The following CCPG1 variants were observed in gnomAD, a reference collection of about 807,000 sequenced individuals.
CCPG1 encodes cell cycle progression protein 1.
CCPG1 carries 46 observed loss-of-function variants against 81.3 expected under a neutral mutation model. That is an observed-to-expected ratio of 0.57 (90% confidence interval 0.45 to 0.72). The LOEUF (loss-of-function observed/expected upper bound fraction) is 0.72, where lower values mean the gene tolerates loss of function less well. Among genes scored for constraint, CCPG1 ranks in the 30% least tolerant of loss-of-function variants. CCPG1 has a pLI of 0.00. For missense variants in CCPG1, 902 were observed against 937.6 expected (o/e 0.96, Z 0.50); for synonymous variants, 330 against 305.2 (o/e 1.08, Z -0.85).
At chr15:55,398,693 T>A (rs571567030) in intron 1 of CCPG1, among the ~76,000 whole-genome samples, 1 of 152,138 alleles carries the variant, frequency 6.6e-6, no homozygotes, top group Non-Finnish European at 1.5e-5. Context: ...GAGATTCTCC[T>A]GCCTCAGCCT....
chr15:55,393,583 G>A (rs764304531), intron 1 of CCPG1, among the ~76,000 whole-genome samples: 8 of 152,202 alleles, frequency 5.3e-5, no homozygotes, highest in African/African-American at 1.9e-4. Flanking sequence ...AGAAGATAGC[G>A]GGAAGGGTTT....
intron 2 of CCPG1, among the ~76,000 whole-genome samples, chr15:55,386,076 T>C (rs2141304399): frequency 6.6e-6 from 1 of 152,072 alleles, no homozygotes; most frequent in South Asian, 2.1e-4. Context: ...GGCACTTCGC[T>C]AGATGCTGTG....
At chr15:55,380,677 G>A (rs1340558376) in intron 3 of CCPG1, among the ~76,000 whole-genome samples, 1 of 151,982 alleles carries the variant, frequency 6.6e-6, no homozygotes, top group Non-Finnish European at 1.5e-5. Flanking sequence ...CCCTCTAACA[G>A]AAAATTAATT....
In CCPG1 at chr15:55,407,129, G is replaced by A. The variant is rs555884968; in HGVS notation, c.-10+1092C>T. Among the ~76,000 whole-genome samples the A allele has an allele frequency of 1.3e-5, 2 of 151,736 alleles. 1 individual carries two copies. Among genetic ancestry groups the A allele is most frequent in the Admixed American group, 1.3e-4 (2 of 15,214 alleles). On this transcript the variant is annotated intron_variant, in intron 1 of 8. Coordinates refer to ENST00000442196, the MANE Select transcript of CCPG1 (RefSeq NM_001204450.2). ...TGTAATCCCAGATACTCGGGAGGCT[G>A]AGGCAGGAGAATCGTTTGAAACTGG...
chr15:55,377,256 T>C, intron 4 of CCPG1, 106 bp from the exon 5 acceptor site: 1 of 765,372 alleles, frequency 1.3e-6, no homozygotes, highest in South Asian at 1.8e-5. Context: ...TGAGTTAAAA[T>C]AAAAGATATG....
intron 1 of CCPG1, among the ~76,000 whole-genome samples, chr15:55,404,996 G>A (rs2057190354): frequency 2.0e-5 from 3 of 151,838 alleles, no homozygotes; most frequent in South Asian, 2.1e-4. Context: ...AGGCCAAGGC[G>A]GACAGATCAC....
intron 7 of CCPG1, among the ~76,000 whole-genome samples, chr15:55,364,950 C>T (rs1249727373): frequency 6.6e-6 from 1 of 152,164 alleles, no homozygotes; most frequent in Non-Finnish European, 1.5e-5. Context: ...CTTTTCTAAA[C>T]CTCTTTTCCA....
At position 55,377,018 on chromosome 15, in the gene CCPG1, G is replaced by C. The variant is rs2056581032; in HGVS notation, c.385C>G (p.Gln129Glu). The C allele has an allele frequency of 6.2e-7, 1 of 1,613,742 alleles. No individual in the cohort carries two copies. The highest frequency in any genetic ancestry group is 1.3e-5 in the African/African-American group (1 of 74,910). ...NQEVVIVEEA[Q>E]SSEDFNMGSS... ...CCCATGTTAAAGTCTTCTGAACTCTGTGCTTCTTCAACAATGACAACTTCT... is the reference window on the plus strand; with the variant it reads ...CCCATGTTAAAGTCTTCTGAACTCTCTGCTTCTTCAACAATGACAACTTCT... The change falls in exon 5 of 9, where the codon CAG (glutamine) becomes GAG (glutamate). Residue 129 changes from glutamine to glutamate, a missense_variant. Transcript: ENST00000442196.
rs575254868 is a variant in CCPG1 at position 55,392,670 on chromosome 15, G to A, written c.-9-3237C>T. 5.3e-5 allele frequency among the ~76,000 whole-genome samples: 8 copies of A among 152,164 alleles called. No individual in the cohort carries two copies. The East Asian group carries it at 5.8e-4, about 11-fold the overall frequency. ...TGAGTAGCTGGAACTACAGGTGTGC[G>A]CCACCATGCCTAATATTTGTATTTT... On this transcript the variant is annotated intron_variant, in intron 1 of 8. Coordinates refer to ENST00000442196, the MANE Select transcript of CCPG1 (RefSeq NM_001204450.2).
intron 3 of CCPG1, among the ~76,000 whole-genome samples, chr15:55,380,100 TA>T (rs374941554): frequency 2.0e-3 from 266 of 130,698 alleles, no homozygotes; most frequent in Middle Eastern, 3.9e-3. Flanking sequence ...AACTCTGTCT[TA>T]AAAAAAAAAA....
At chr15:55,370,648 G>A (rs1235283088) in intron 6 of CCPG1, among the ~76,000 whole-genome samples, 7 of 152,124 alleles carry the variant, frequency 4.6e-5, no homozygotes, top group Non-Finnish European at 4.4e-5. Context: ...AGGCCGAGGC[G>A]GGTGGATCAC....
chr15:55,390,103 T>C (rs1384699237), intron 1 of CCPG1, among the ~76,000 whole-genome samples: 1 of 152,160 alleles, frequency 6.6e-6, no homozygotes. Flanking sequence ...TTTGTATTTT[T>C]AGTAGAGACG....
chr15:55,403,385 T>C (rs1374104030), intron 1 of CCPG1, among the ~76,000 whole-genome samples: 2 of 150,534 alleles, frequency 1.3e-5, no homozygotes, highest in Admixed American at 6.6e-5. Flanking sequence ...TTTAAAAGAA[T>C]AGTGATTTGG....
At chr15:55,395,176 G>C (rs112624319) in intron 1 of CCPG1, among the ~76,000 whole-genome samples, 10 of 152,040 alleles carry the variant, frequency 6.6e-5, no homozygotes, top group African/African-American at 2.4e-4. Context: ...AAGAGAAAAA[G>C]ATTTCCCGCT....
intron 2 of CCPG1, among the ~76,000 whole-genome samples, chr15:55,387,364 G>C (rs2056821194): frequency 6.6e-6 from 1 of 152,050 alleles, no homozygotes; most frequent in Admixed American, 6.6e-5. Flanking sequence ...AAGAAAACAA[G>C]CTAAAAATAG....
intron 3 of CCPG1, among the ~76,000 whole-genome samples, chr15:55,379,854 T>A (rs994744055): frequency 4.6e-5 from 7 of 151,976 alleles, no homozygotes; most frequent in Non-Finnish European, 1.0e-4. Flanking sequence ...ATCCCAGCAG[T>A]TTGGGAGGCC....
Position 55,363,799 on chromosome 15 carries a change from C to CTTTTTTTT in CCPG1, c.828+1381_828+1388dup, listed in dbSNP as rs565044184. ...AATAGCTTACTTTTCTTTCCTTTTC[C>CTTTTTTTT]TTTTTTTTTTTTTTTTTTTTTTTTG... is the stretch of plus-strand genomic sequence containing the variant. On this transcript the variant is annotated intron_variant, in intron 7 of 8. Transcript: ENST00000442196. 5.0e-4 allele frequency among the ~76,000 whole-genome samples: 47 copies of CTTTTTTTT among 93,928 alleles called. 1 individual carries two copies. The highest frequency in any genetic ancestry group is 1.2e-3 in the African/African-American group (26 of 22,258). The allele number at this position is 93,928 out of a possible 152,430, so 61.6% of individuals were successfully genotyped here. A position where few individuals can be genotyped will look rare whatever the true frequency, so the allele number is the denominator to read the frequency against.
intron 1 of CCPG1, among the ~76,000 whole-genome samples, chr15:55,398,728 C>T (rs566654025): frequency 3.3e-5 from 5 of 152,018 alleles, no homozygotes; most frequent in Admixed American, 6.6e-5. Flanking sequence ...ATTACAGGTG[C>T]GCACCACCAT....
intron 2 of CCPG1, among the ~76,000 whole-genome samples, chr15:55,386,170 AC>A (rs1158060833): frequency 1.3e-5 from 2 of 149,844 alleles, no homozygotes; most frequent in African/African-American, 4.9e-5. Context: ...CCGGTGGATC[AC>A]AAAAAAAGCA....
Sources: gnomAD v4.1 joint callset for allele counts (sites outside exome capture counted in the v4.1 genomes callset) on GRCh38, gnomAD v4.1.1 for gene constraint, MANE v1.5 for transcripts, NCBI Gene and HGNC (gene_info 2026-07-23, HGNC 2026-07-21) for gene names.